Variants in TDG observed in about 807,000 individuals in gnomAD.
TDG encodes the protein thymine DNA glycosylase.
In TDG, 23 loss-of-function variants were observed where a neutral mutation model predicts 46.1. The ratio of observed to expected loss-of-function variants is 0.50; its 90% CI spans 0.36 to 0.71. The LOEUF is 0.71. TDG is among the 30% of genes least tolerant of loss of function. TDG has a pLI of 0.00. For synonymous variants in TDG, 115 were observed against 161.3 expected (o/e 0.71, Z 2.18); for missense variants, 304 against 486.7 (o/e 0.62, Z 3.53).
At position 103,966,087 on chromosome 12, in the gene TDG, C is replaced by T. The variant is rs754599290; in HGVS notation, c.23+27C>T. 1.9e-6 allele frequency: 3 copies of T among 1,550,584 alleles called. No individual in the cohort carries two copies. The South Asian group carries it at 3.6e-5, about 18-fold the overall frequency. On this transcript the variant is annotated intron_variant, in intron 1 of 9. Coordinates refer to ENST00000392872, the MANE Select transcript of TDG (RefSeq NM_003211.6). Reference sequence around the variant, plus strand: ...TAATACCGGGGCCAGCGCCGCCCCTCCCTTGCGCCCCTCACTGCTGGGCAG... The same window carrying T: ...TAATACCGGGGCCAGCGCCGCCCCTTCCTTGCGCCCCTCACTGCTGGGCAG...
chr12:103,970,405 G>T (rs1485175941), intron 1 of TDG, among the ~76,000 whole-genome samples: 1 of 152,174 alleles, frequency 6.6e-6, no homozygotes, highest in African/African-American at 2.4e-5. Context: ...CTGAGCCCAG[G>T]TGTGTGTGGT....
Position 103,977,064 on chromosome 12 carries a change from G to A in TDG, c.166+4G>A. 5 of 1,603,826 alleles carry A rather than the reference G, an allele frequency of 3.1e-6. No individual in the cohort carries two copies. The highest frequency in any genetic ancestry group is 1.3e-5 in the African/African-American group (1 of 74,278). On this transcript the variant is annotated splice_donor_region_variant and intron_variant, in intron 2 of 9. Transcript: ENST00000392872. ...CCTGCTCAGGAACCAGTGCAAGGTA[G>A]TTTCACCATGAGAGCTTAGAAAGTT...
rs775283941 is a variant in TDG, at chr12:103,984,850, G to C, written c.894G>C (p.Gln298His). ...YYIKLKDLRD[Q>H]LKGIERNMDV... is the part of the protein sequence containing the mutation. ...TAAAACTGAAGGACTTAAGAGATCA[G>C]TTGAAAGGCATTGAACGAAATATGG... Residue 298 changes from glutamine (Q) to histidine (H), a missense_variant, in exon 8 of 10, where the codon CAG becomes CAC. Transcript: ENST00000392872. 6.2e-7 allele frequency: 1 copy of C among 1,613,662 alleles called. No individual in the cohort carries two copies. The highest frequency in any genetic ancestry group is 8.5e-7 in the Non-Finnish European group (1 of 1,179,600).
At chr12:103,972,273 G>A (rs1871320729) in intron 1 of TDG, among the ~76,000 whole-genome samples, 1 of 151,950 alleles carries the variant, frequency 6.6e-6, no homozygotes, top group Non-Finnish European at 1.5e-5. Context: ...CGCATGCCAC[G>A]ACGCCTGACT....
chr12:103,972,426 G>T (rs1871329286), intron 1 of TDG, among the ~76,000 whole-genome samples: 1 of 152,092 alleles, frequency 6.6e-6, no homozygotes, highest in South Asian at 2.1e-4. Context: ...CAGTTATCCA[G>T]AACTGTTTAG....
At chr12:103,974,730 G>A (rs979693763) in intron 1 of TDG, among the ~76,000 whole-genome samples, 6 of 152,056 alleles carry the variant, frequency 3.9e-5, no homozygotes, top group African/African-American at 1.4e-4. Context: ...CAGCACTTTG[G>A]GAGGCTGAGG....
intron 1 of TDG, among the ~76,000 whole-genome samples, chr12:103,971,548 T>A (rs750036609): frequency 6.6e-6 from 1 of 152,096 alleles, no homozygotes; most frequent in Non-Finnish European, 1.5e-5. Context: ...AGAGCGAGAC[T>A]CTGTCTCAAA....
At chr12:103,981,431 C>T (rs1418403567) in intron 4 of TDG, among the ~76,000 whole-genome samples, 7 of 151,792 alleles carry the variant, frequency 4.6e-5, no homozygotes, top group Admixed American at 3.9e-4. Context: ...GACGGGGTGT[C>T]TCCATGTTGG....
Position 103,982,744 on chromosome 12 carries a change from G to T in TDG, c.479-55G>T, listed in dbSNP as rs1871905980. 1.9e-6 allele frequency: 3 copies of T among 1,583,626 alleles called. No homozygotes were observed. The South Asian group carries it at 3.4e-5, about 18-fold the overall frequency. On this transcript the variant is annotated intron_variant, in intron 4 of 9. Transcript: ENST00000392872. ...CGTGCCACTACACTCTAGCCTGGGT[G>T]ACAGAGCGAGACCCTGTCTAAAAAA...
In TDG at chr12:103,982,859, C is replaced by G. The variant is rs763262567; in HGVS notation, c.539C>G (p.Thr180Ser). 6.2e-7 allele frequency: 1 copy of G among 1,614,074 alleles called. No homozygotes were observed. The highest frequency in any genetic ancestry group is 1.3e-5 in the African/African-American group (1 of 75,044). The change falls in exon 5 of 10, where the codon ACT becomes AGT. Residue 180 changes from threonine (T) to serine (S), a missense_variant. Thr to Ser is a moderately conservative substitution (Grantham distance 58, BLOSUM62 1). Transcript: ENST00000392872. ...EVQLNHMDDH[T>S]LPGKYGIGFT... ...CAGCTGAACCATATGGATGATCACA[C>G]TCTACCAGGGAAGTATGGTATTGGA...
intron 1 of TDG, chr12:103,967,852 A>T (rs1327825382): frequency 8.3e-6 from 1 of 121,212 alleles, no homozygotes; most frequent in Non-Finnish European, 1.9e-5. Flanking sequence ...TTTTTGAGAC[A>T]GAGTTTCACT....
At chr12:103,975,345 G>T (rs1593510999) in intron 1 of TDG, among the ~76,000 whole-genome samples, 1 of 152,140 alleles carries the variant, frequency 6.6e-6, no homozygotes, top group East Asian at 1.9e-4. Flanking sequence ...TCCATTTCAT[G>T]TTTCTCTTTA....
At chr12:103,985,516 A>T (rs1872099143) in intron 8 of TDG, 87 bp from the exon 9 acceptor site, 3 of 1,437,818 alleles carry the variant, frequency 2.1e-6, no homozygotes, top group Non-Finnish European at 2.8e-6. Context: ...ATATTCAAGA[A>T]AAAGAATTGT....
chr12:103,975,177 G>C (rs1871475795), intron 1 of TDG, among the ~76,000 whole-genome samples: 1 of 152,266 alleles, frequency 6.6e-6, no homozygotes, highest in East Asian at 1.9e-4. Context: ...CCATGAGATA[G>C]TGGTTTAAGG....
chr12:103,974,737 G>T (rs574653730), intron 1 of TDG, among the ~76,000 whole-genome samples: 1 of 152,246 alleles, frequency 6.6e-6, no homozygotes, highest in East Asian at 1.9e-4. Flanking sequence ...TTGGGAGGCT[G>T]AGGCGGGTGG....
intron 2 of TDG, among the ~76,000 whole-genome samples, chr12:103,978,047 C>A (rs777995802): frequency 6.6e-6 from 1 of 150,770 alleles, no homozygotes; most frequent in East Asian, 1.9e-4. Flanking sequence ...GGCAATAGTG[C>A]GAGACTCTGT....
rs779276435 is a variant in TDG at position 103,980,056 on chromosome 12, A to T, written c.392A>T (p.Asn131Ile). 23 of 1,614,100 alleles carry T rather than the reference A, an allele frequency of 1.4e-5. No individual in the cohort carries two copies. Among genetic ancestry groups the T allele is most frequent in the Non-Finnish European group, 1.9e-5 (23 of 1,180,052 alleles). ...ACTCTCCCCGATATTTTGACCTTCA[A>T]TCTGGACATTGTCATTGTAAGATCT... ...TKTLPDILTF[N>I]LDIVIIGINP... is the part of the protein sequence containing the mutation. The change falls in exon 3 of 10, where the codon AAT becomes ATT. Residue 131 changes from asparagine (N) to isoleucine (I), a missense_variant. Asn to Ile is a moderately radical substitution (Grantham distance 149, BLOSUM62 -3). Coordinates refer to ENST00000392872, the MANE Select transcript of TDG (RefSeq NM_003211.6).
chr12:103,982,670 TG>T, intron 4 of TDG, 128 bp from the exon 5 acceptor site: 1 of 817,734 alleles, frequency 1.2e-6, no homozygotes, highest in Non-Finnish European at 1.9e-6. Flanking sequence ...GAGGCTGAAG[TG>T]GGAGGATTGC....
At chr12:103,966,153 T>A (rs4135039) in intron 1 of TDG, 93 bp downstream of exon 1, 1,036,170 of 1,377,368 alleles carry the variant, frequency 0.75, 392,055 homozygotes, top group East Asian at 1. Context: ...GTCTTTTAAA[T>A]CCCGGCCGGA....
Sources: allele counts gnomAD v4.1 joint callset (sites outside exome capture counted in the v4.1 genomes callset), GRCh38; gene constraint gnomAD v4.1.1; transcripts MANE v1.5; gene names NCBI Gene and HGNC (gene_info 2026-07-23, HGNC 2026-07-21).